The following CSRNP3 variants were observed in gnomAD, a reference collection of about 807,000 sequenced individuals.
CSRNP3 encodes the protein cysteine/serine-rich nuclear protein 3.
In CSRNP3, 12 loss-of-function variants were observed where a neutral mutation model predicts 48.0. The observed-to-expected ratio is 0.25, with a 90% CI of 0.16 to 0.41. CSRNP3 has a LOEUF of 0.41. Among genes scored for constraint, CSRNP3 ranks in the 10% least tolerant of loss-of-function variants. The probability of loss-of-function intolerance (pLI) is 1.00; values close to 1 mark genes in which losing one functional copy is unlikely to be tolerated. For synonymous variants in CSRNP3, 263 were observed against 269.7 expected (o/e 0.98, Z 0.24); for missense variants, 580 against 724.4 (o/e 0.80, Z 2.29).
At chr2:165,517,300 G>A (rs16850832) in intron 2 of CSRNP3, among the ~76,000 whole-genome samples, 40,668 of 151,658 alleles carry the variant, frequency 0.27, 5,685 homozygotes, top group East Asian at 0.34. Context: ...TTTTGTTAAT[G>A]TATGTCATTT....
chr2:165,496,334 A>C (rs1193623924), intron 2 of CSRNP3, among the ~76,000 whole-genome samples: 1 of 152,024 alleles, frequency 6.6e-6, no homozygotes, highest in Admixed American at 6.6e-5. Context: ...TTTGGGATTT[A>C]TCTAAAGCCT....
At chr2:165,496,188 GA>G (rs1684281479) in intron 2 of CSRNP3, among the ~76,000 whole-genome samples, 1 of 152,022 alleles carries the variant, frequency 6.6e-6, no homozygotes, top group Non-Finnish European at 1.5e-5. Context: ...GGAACTTTTA[GA>G]AAGTATTAAA....
chr2:165,593,942 G>A (rs564989102), intron 3 of CSRNP3, among the ~76,000 whole-genome samples: 6 of 152,150 alleles, frequency 3.9e-5, no homozygotes, highest in African/African-American at 1.4e-4. Flanking sequence ...TTATCTGATG[G>A]GTCACAGTCA....
intron 4 of CSRNP3, among the ~76,000 whole-genome samples, chr2:165,607,228 T>C (rs567888349): frequency 1.3e-5 from 2 of 152,174 alleles, no homozygotes; most frequent in South Asian, 2.1e-4. Flanking sequence ...TTTTATAGTA[T>C]ACTAGTTTTC....
chr2:165,673,154 T>TTTTTTTTTA (rs1687358786), intron 5 of CSRNP3, among the ~76,000 whole-genome samples: 1 of 146,980 alleles, frequency 6.8e-6, no homozygotes, highest in Non-Finnish European at 1.5e-5. Flanking sequence ...TTTTTTTTTT[T>TTTTTTTTTA]TGAGACAGGG....
At position 165,520,770 on chromosome 2, in the gene CSRNP3, TTATATATATATATTATATATA is replaced by T. The variant is rs1479597980; in HGVS notation, c.-24+2823_-24+2843del. 5.8e-3 allele frequency among the ~76,000 whole-genome samples: 623 copies of T among 107,264 alleles called. 6 individuals are homozygous for T. The highest frequency in any genetic ancestry group is 7.4e-3 in the East Asian group (32 of 4,340). The allele number at this position is 107,264 out of a possible 152,430, so 70.4% of individuals were successfully genotyped here. ...ATATAAATAGATATATAGAAATATA[TTATATATATATATTATATATA>T]TATATATATATATATATATATATAT... On this transcript the variant is annotated intron_variant, in intron 3 of 6. Transcript: ENST00000651982.
At chr2:165,626,944 A>T (rs972278947) in intron 4 of CSRNP3, among the ~76,000 whole-genome samples, 1 of 152,160 alleles carries the variant, frequency 6.6e-6, no homozygotes, top group Non-Finnish European at 1.5e-5. Flanking sequence ...ACCATCCTGT[A>T]GCCTTGTTGC....
intron 4 of CSRNP3, among the ~76,000 whole-genome samples, chr2:165,651,261 A>G (rs1241091696): frequency 6.6e-6 from 1 of 152,254 alleles, no homozygotes; most frequent in Non-Finnish European, 1.5e-5. Flanking sequence ...ATTATTTTCA[A>G]TAAGAAATAA....
chr2:165,679,963 C>A lies in CSRNP3; in HGVS notation c.*210C>A. 1.5e-6 allele frequency: 1 copy of A among 669,594 alleles called. No individual in the cohort carries two copies. The highest frequency in any genetic ancestry group is 2.4e-6 in the Non-Finnish European group (1 of 422,594). The allele number at this position is 669,594 out of a possible 1,614,324, so 41.5% of individuals were successfully genotyped here. A position where few individuals can be genotyped will look rare whatever the true frequency, so the allele number is the denominator to read the frequency against. ...TGTAGGGATTTTAAAAGATTTCAGA[C>A]TGTTTTGATAGAAAAAGCTAAATTT... is the stretch of plus-strand genomic sequence containing the variant. On this transcript the variant is annotated 3_prime_UTR_variant, in exon 7 of 7. Coordinates refer to ENST00000651982, the MANE Select transcript of CSRNP3 (RefSeq NM_001172173.2).
intron 3 of CSRNP3, among the ~76,000 whole-genome samples, chr2:165,594,615 G>A (rs879665256): frequency 6.6e-5 from 10 of 152,128 alleles, no homozygotes; most frequent in Non-Finnish European, 8.8e-5. Context: ...AGCTAATTGG[G>A]TTTCTTGAAT....
intron 5 of CSRNP3, among the ~76,000 whole-genome samples, chr2:165,666,306 G>A (rs1282835684): frequency 2.4e-5 from 3 of 126,976 alleles, no homozygotes; most frequent in South Asian, 2.8e-4. Context: ...AAAGAGAGAG[G>A]AAGGAAGGAA....
At chr2:165,649,293 T>C (rs1686867029) in intron 4 of CSRNP3, among the ~76,000 whole-genome samples, 1 of 152,334 alleles carries the variant, frequency 6.6e-6, no homozygotes, top group South Asian at 2.1e-4. Flanking sequence ...CTTGAATTAT[T>C]TCACTCAGAA....
chr2:165,638,084 C>T (rs953865348), intron 4 of CSRNP3, among the ~76,000 whole-genome samples: 5 of 152,134 alleles, frequency 3.3e-5, no homozygotes, highest in Admixed American at 3.3e-4. Context: ...TTTTACTCAA[C>T]CATTTCTATG....
At chr2:165,643,321 A>G (rs1686756280) in intron 4 of CSRNP3, among the ~76,000 whole-genome samples, 1 of 152,200 alleles carries the variant, frequency 6.6e-6, no homozygotes, top group African/African-American at 2.4e-5. Context: ...GTAGCAAGCA[A>G]GCTTGAGGGA....
Position 165,679,340 on chromosome 2 carries a change from C to G in CSRNP3, c.1345C>G (p.Gln449Glu), listed in dbSNP as rs777078978. The change falls in exon 7 of 7, where the codon CAG (glutamine) becomes GAG (glutamate). Residue 449 changes from glutamine to glutamate, a missense_variant. Physicochemically the swap from Gln to Glu is conservative, Grantham distance 29. This residue lies in a region of CSRNP3 where 369 missense variants were observed against 380.8 expected (regional missense o/e 0.97). Coordinates refer to ENST00000651982, the MANE Select transcript of CSRNP3 (RefSeq NM_001172173.2). ...IDSHIPGTPNQISENYSERDT... is the reference protein window; with the variant it reads ...IDSHIPGTPNEISENYSERDT... Reference sequence around the variant, plus strand: ...TAGCCACATTCCAGGAACTCCAAATCAGATCTCTGAGAACTATTCTGAAAG... The same window carrying G: ...TAGCCACATTCCAGGAACTCCAAATGAGATCTCTGAGAACTATTCTGAAAG... 1.2e-6 allele frequency: 2 copies of G among 1,613,716 alleles called. No individual in the cohort carries two copies. Among genetic ancestry groups the G allele is most frequent in the South Asian group, 1.1e-5 (1 of 91,064 alleles).
At chr2:165,592,757 G>A (rs756778524) in intron 3 of CSRNP3, among the ~76,000 whole-genome samples, 255 of 151,250 alleles carry the variant, frequency 1.7e-3, no homozygotes, top group Non-Finnish European at 3.2e-3. Context: ...GTTTCTTGAG[G>A]CCTCCCCAGC....
chr2:165,546,576 T>C (rs1685033238), intron 3 of CSRNP3, among the ~76,000 whole-genome samples: 1 of 152,212 alleles, frequency 6.6e-6, no homozygotes, highest in African/African-American at 2.4e-5. Flanking sequence ...AGATTCATTC[T>C]AAACAATTTC....
chr2:165,573,663 A>G (rs1187018285), intron 3 of CSRNP3, among the ~76,000 whole-genome samples: 6 of 152,204 alleles, frequency 3.9e-5, no homozygotes, highest in Admixed American at 3.3e-4. Context: ...TTTGGACACC[A>G]CTTAGGATGA....
rs564540501 is a variant in CSRNP3, at chr2:165,646,924, A to G, written c.149-10837A>G. Among the ~76,000 whole-genome samples, 4 of 152,330 alleles carry G rather than the reference A, an allele frequency of 2.6e-5. No individual in the cohort carries two copies. The East Asian group carries it at 5.8e-4, about 22-fold the overall frequency. ...GAGTATAGGTTTATATATTTTGGAA[A>G]TAACTGTTACTTTAGTGGCAGTGAA... On this transcript the variant is annotated intron_variant, in intron 4 of 6. Coordinates refer to ENST00000651982, the MANE Select transcript of CSRNP3 (RefSeq NM_001172173.2).
Sources: gnomAD v4.1 joint callset for allele counts (sites outside exome capture counted in the v4.1 genomes callset) on GRCh38, gnomAD v4.1.1 for gene constraint, gnomAD v4.1.1 regional missense constraint, MANE v1.5 for transcripts, NCBI Gene and HGNC (gene_info 2026-07-23, HGNC 2026-07-21) for gene names.